The following PCDHGB6 variants were observed in gnomAD, a reference collection of about 807,000 sequenced individuals.
PCDHGB6 encodes the protein protocadherin gamma subfamily B, 6.
In PCDHGB6, 51 loss-of-function variants were observed where a neutral mutation model predicts 59.1. The ratio of observed to expected loss-of-function variants is 0.86; its 90% CI spans 0.69 to 1.09. The LOEUF is 1.09. Among genes scored for constraint, PCDHGB6 ranks in the 50% least tolerant of loss-of-function variants. PCDHGB6 has a pLI of 0.00. For missense variants in PCDHGB6, 1,148 were observed against 1,205.1 expected (o/e 0.95, Z 0.70); for synonymous variants, 466 against 495.1 (o/e 0.94, Z 0.78).
At position 141,487,074 on chromosome 5, in the gene PCDHGB6, T is replaced by C; in HGVS notation, c.2419-7733T>C. The C allele has an allele frequency of 6.2e-7, 1 of 1,614,104 alleles. No homozygotes were observed. The highest frequency in any genetic ancestry group is 8.5e-7 in the Non-Finnish European group (1 of 1,179,978). Reference sequence around the variant, plus strand: ...GGGGAGGTGCGGACGGCTGTTCCTATCCCAGCTGACCTCCCACCACAGAAG... The same window carrying C: ...GGGGAGGTGCGGACGGCTGTTCCTACCCCAGCTGACCTCCCACCACAGAAG... On this transcript the variant is annotated intron_variant, in intron 1 of 3. Transcript: ENST00000520790. The surrounding 1 kb of genome is among the most constrained non-coding windows in gnomAD (Gnocchi z 5.0).
intron 2 of PCDHGB6, among the ~76,000 whole-genome samples, chr5:141,500,008 C>T (rs1027220192): frequency 6.6e-6 from 1 of 151,770 alleles, no homozygotes; most frequent in African/African-American, 2.4e-5. Flanking sequence ...TTCATAAGGT[C>T]CACATTTTAT....
chr5:141,487,810 C>G lies in PCDHGB6; in HGVS notation c.2419-6997C>G, dbSNP rs377060474. ...ATTAACCAGAGTTGTCACAGTTTAGCATTGGGGGCGGGTCATGCCTATATC... is the reference window on the plus strand; with the variant it reads ...ATTAACCAGAGTTGTCACAGTTTAGGATTGGGGGCGGGTCATGCCTATATC... On this transcript the variant is annotated intron_variant, in intron 1 of 3. Coordinates refer to ENST00000520790, the MANE Select transcript of PCDHGB6 (RefSeq NM_018926.3). The surrounding 1 kb of genome is among the most constrained non-coding windows in gnomAD (Gnocchi z 5.0). 7.1e-7 allele frequency: 1 copy of G among 1,417,854 alleles called. No homozygotes were observed. The highest frequency in any genetic ancestry group is 2.1e-5 in the Admixed American group (1 of 47,076). The allele number at this position is 1,417,854 out of a possible 1,614,324, so 87.8% of individuals were successfully genotyped here.
At chr5:141,437,195 A>G (rs2097867163) in intron 1 of PCDHGB6, among the ~76,000 whole-genome samples, 2 of 152,180 alleles carry the variant, frequency 1.3e-5, no homozygotes, top group African/African-American at 4.8e-5. Context: ...ATGGGTTTGG[A>G]TGTGTTTACA....
rs148331367 is a variant in PCDHGB6 at position 141,435,055 on chromosome 5, A to C, written c.2418+24435A>C. ...TTTATTTTTTTCCCATTGACCATGC[A>C]GCAGTTTTGTGTAGACCGTCTGATA... On this transcript the variant is annotated intron_variant, in intron 1 of 3. Transcript: ENST00000520790. Among the ~76,000 whole-genome samples, 21 of 152,242 alleles carry C rather than the reference A, an allele frequency of 1.4e-4. No individual in the cohort carries two copies. The East Asian group carries it at 4.0e-3, about 29-fold the overall frequency.
intron 2 of PCDHGB6, among the ~76,000 whole-genome samples, chr5:141,500,682 G>A (rs1661676761): frequency 6.6e-6 from 1 of 152,044 alleles, no homozygotes; most frequent in African/African-American, 2.4e-5. Context: ...CAGAATTATA[G>A]CTTTTTTCTT....
intron 1 of PCDHGB6, among the ~76,000 whole-genome samples, chr5:141,456,969 A>G (rs2098901241): frequency 1.4e-5 from 2 of 147,268 alleles, no homozygotes; most frequent in Non-Finnish European, 3.1e-5. Flanking sequence ...TCTCAAAACA[A>G]AACAAACAAA....
chr5:141,478,594 C>T, intron 1 of PCDHGB6: 2 of 1,569,448 alleles, frequency 1.3e-6, no homozygotes, highest in Non-Finnish European at 1.7e-6. Context: ...TTTTTTATTC[C>T]TACATCATAT....
At chr5:141,464,556 G>A (rs1158827360) in intron 1 of PCDHGB6, among the ~76,000 whole-genome samples, 4 of 151,990 alleles carry the variant, frequency 2.6e-5, no homozygotes, top group Admixed American at 6.6e-5. Flanking sequence ...TCCCCATCTT[G>A]CATTCCTACA....
chr5:141,412,847 A>G (rs1206334568), intron 1 of PCDHGB6: 1 of 213,282 alleles, frequency 4.7e-6, no homozygotes, highest in Non-Finnish European at 9.1e-6. Flanking sequence ...AGGAGTGGAG[A>G]AACCAAAGAA....
intron 1 of PCDHGB6, among the ~76,000 whole-genome samples, chr5:141,459,386 T>C (rs1283863283): frequency 6.6e-6 from 1 of 152,260 alleles, no homozygotes; most frequent in African/African-American, 2.4e-5. Context: ...GTGTTCCATT[T>C]GATTGTTGAG....
Position 141,486,799 on chromosome 5 carries a change from C to A in PCDHGB6, c.2419-8008C>A. The A allele has an allele frequency of 6.2e-7, 1 of 1,614,220 alleles. No individual in the cohort carries two copies. Among genetic ancestry groups the A allele is most frequent in the African/African-American group, 1.3e-5 (1 of 75,060 alleles). ...AGGTGCAGGCCCGGGATCGGGGCAA[C>A]CCACCCCTTAGCAGCACTGTAACAG... On this transcript the variant is annotated intron_variant, in intron 1 of 3. Coordinates refer to ENST00000520790, the MANE Select transcript of PCDHGB6 (RefSeq NM_018926.3). This position sits in a 1 kb window ranked among gnomAD's most constrained non-coding sequence, Gnocchi z 5.0.
intron 1 of PCDHGB6, chr5:141,427,909 C>G: frequency 6.3e-7 from 1 of 1,576,922 alleles, no homozygotes; most frequent in Non-Finnish European, 8.7e-7. Context: ...GCGCTCAGCG[C>G]CAACATGAGC....
rs1193417991 is a variant in PCDHGB6 at position 141,491,413 on chromosome 5, G to T, written c.2419-3394G>T. The T allele has an allele frequency of 6.2e-7, 1 of 1,614,064 alleles. No individual in the cohort carries two copies. Among genetic ancestry groups the T allele is most frequent in the South Asian group, 1.1e-5 (1 of 91,074 alleles). ...CCTTCAGGGAAACGCAGACGGGGAC[G>T]GGGGTGGAGGGCAGTGCTGCAGGCG... On this transcript the variant is annotated intron_variant, in intron 1 of 3. Transcript: ENST00000520790. This position sits in a 1 kb window ranked among gnomAD's most constrained non-coding sequence, Gnocchi z 6.9.
chr5:141,412,154 A>G (rs528810323), intron 1 of PCDHGB6: 1 of 152,344 alleles, frequency 6.6e-6, no homozygotes, highest in Admixed American at 6.5e-5. Flanking sequence ...ACTGCCTAAG[A>G]GAAGAGATTA....
chr5:141,457,273 G>A (rs746102734), intron 1 of PCDHGB6, among the ~76,000 whole-genome samples: 7 of 152,144 alleles, frequency 4.6e-5, no homozygotes, highest in Admixed American at 1.3e-4. Context: ...CCCTCTGTGG[G>A]CCTACGAAGT....
intron 1 of PCDHGB6, among the ~76,000 whole-genome samples, chr5:141,433,680 A>G (rs570459317): frequency 1.3e-5 from 2 of 152,236 alleles, no homozygotes; most frequent in African/African-American, 4.8e-5. Context: ...TACTAAAAAA[A>G]TACAAAATTA....
In PCDHGB6 at chr5:141,452,847, T is replaced by G. The variant is rs575815407; in HGVS notation, c.2419-41960T>G. Among the ~76,000 whole-genome samples, 42 of 152,304 alleles carry G rather than the reference T, an allele frequency of 2.8e-4. 1 individual carries two copies. Among genetic ancestry groups the G allele is most frequent in the Admixed American group, 2.5e-3 (38 of 15,302 alleles). ...AAATCACTTGGTCCAGCCCACACTC[T>G]GGGGAGATGATTTTCTAACTCCATT... On this transcript the variant is annotated intron_variant, in intron 1 of 3. Coordinates refer to ENST00000520790, the MANE Select transcript of PCDHGB6 (RefSeq NM_018926.3).
intron 1 of PCDHGB6, among the ~76,000 whole-genome samples, chr5:141,445,751 G>T (rs1211416281): frequency 2.0e-5 from 3 of 152,102 alleles, no homozygotes; most frequent in Non-Finnish European, 4.4e-5. Context: ...AAAAATAAAA[G>T]GTGTGACTCA....
At position 141,491,067 on chromosome 5, in the gene PCDHGB6, G is replaced by T. The variant is rs752758445; in HGVS notation, c.2419-3740G>T. On this transcript the variant is annotated intron_variant, in intron 1 of 3. Transcript: ENST00000520790. The surrounding 1 kb of genome is among the most constrained non-coding windows in gnomAD (Gnocchi z 6.9). Reference sequence around the variant, plus strand: ...ACAATGCGTGGCTCTCCTACTCACTGTTGCCACAGTCCACAGCCCCAGGAC... The same window carrying T: ...ACAATGCGTGGCTCTCCTACTCACTTTTGCCACAGTCCACAGCCCCAGGAC... 1.2e-6 allele frequency: 2 copies of T among 1,614,200 alleles called. No homozygotes were observed. The highest frequency in any genetic ancestry group is 1.7e-6 in the Non-Finnish European group (2 of 1,180,040).
Sources: gnomAD v4.1 joint callset for allele counts (sites outside exome capture counted in the v4.1 genomes callset) on GRCh38, gnomAD v4.1.1 for gene constraint, Gnocchi (gnomAD v3.1) non-coding constraint, MANE v1.5 for transcripts, NCBI Gene and HGNC (gene_info 2026-07-23, HGNC 2026-07-21) for gene names.